The following KDM3B variants were observed in gnomAD, a reference collection of about 807,000 sequenced individuals.
The protein encoded by KDM3B is lysine-specific demethylase 3B.
In KDM3B, 10 loss-of-function variants were observed where a neutral mutation model predicts 170.0. The observed-to-expected ratio is 0.06, with a 90% CI of 0.04 to 0.10. The LOEUF (loss-of-function observed/expected upper bound fraction) is 0.10. Among genes scored for constraint, KDM3B ranks in the 10% least tolerant of loss-of-function variants. The probability of loss-of-function intolerance (pLI) is 1.00; values close to 1 mark genes in which losing one functional copy is unlikely to be tolerated. For missense variants in KDM3B, 1,394 were observed against 2,195.2 expected (o/e 0.64, Z 7.29); for synonymous variants, 831 against 834.8 (o/e 1.00, Z 0.08).
chr5:138,405,098 C>T (rs1335086460), intron 11 of KDM3B, among the ~76,000 whole-genome samples: 8 of 147,698 alleles, frequency 5.4e-5, no homozygotes, highest in Non-Finnish European at 8.9e-5. Flanking sequence ...GGCTGGAGTG[C>T]GGTGGTGCGA....
At chr5:138,428,159 C>A in intron 20 of KDM3B, 73 bp downstream of exon 20, 1 of 1,422,144 alleles carries the variant, frequency 7.0e-7, no homozygotes, top group Non-Finnish European at 9.5e-7. Flanking sequence ...TGTTTTCATC[C>A]TTAGGGCCAG....
intron 11 of KDM3B, among the ~76,000 whole-genome samples, chr5:138,406,981 ATTTTT>A (rs745918786): frequency 8.4e-6 from 1 of 119,046 alleles, no homozygotes; most frequent in Admixed American, 9.3e-5. Context: ...TATGCCAATA[ATTTTT>A]TTTTTTTTTT....
chr5:138,413,982 AATAG>A (rs1380323136), intron 11 of KDM3B, among the ~76,000 whole-genome samples: 2 of 152,264 alleles, frequency 1.3e-5, no homozygotes, highest in African/African-American at 4.8e-5. Context: ...CCAGCTGATG[AATAG>A]ATAAACAAGT....
intron 14 of KDM3B, 47 bp from the exon 15 acceptor site, chr5:138,420,659 A>T (rs368391955): frequency 8.1e-6 from 13 of 1,604,052 alleles, no homozygotes; most frequent in Non-Finnish European, 1.1e-5. Context: ...TTGTGTGCTG[A>T]TTATTCCTTT....
Position 138,428,090 on chromosome 5 carries a change from T to C in KDM3B, c.4753+4T>C. 6.2e-7 allele frequency: 1 copy of C among 1,613,610 alleles called. No individual in the cohort carries two copies. Among genetic ancestry groups the C allele is most frequent in the Non-Finnish European group, 8.5e-7 (1 of 1,179,728 alleles). On this transcript the variant is annotated splice_donor_region_variant and intron_variant, in intron 20 of 23. Coordinates refer to ENST00000314358, the MANE Select transcript of KDM3B (RefSeq NM_016604.4). The stretch of plus-strand genomic sequence containing the variant: ...GGGGAGGGTGCTCATGATGAAGGTA[T>C]GCTTTCTAGAATCCACTGCTTTAGG...
chr5:138,381,741 T>C (rs1762131288), intron 6 of KDM3B, 151 bp downstream of exon 6: 1 of 558,940 alleles, frequency 1.8e-6, no homozygotes, highest in South Asian at 2.7e-5. Flanking sequence ...ACAGTCTGTC[T>C]AATTAAGGGG....
intron 11 of KDM3B, 71 bp from the exon 12 acceptor site, chr5:138,415,061 G>A: frequency 4.6e-6 from 5 of 1,081,838 alleles, no homozygotes; most frequent in Non-Finnish European, 6.8e-6. Context: ...TTGGGGTTCT[G>A]AAACTCCATT....
chr5:138,385,482 T>G (rs1003450920), intron 6 of KDM3B, among the ~76,000 whole-genome samples: 1 of 152,170 alleles, frequency 6.6e-6, no homozygotes, highest in African/African-American at 2.4e-5. Flanking sequence ...CTGCCCGCCT[T>G]GGCCTCCCAA....
At chr5:138,407,048 C>T (rs904804281) in intron 11 of KDM3B, among the ~76,000 whole-genome samples, 4 of 147,434 alleles carry the variant, frequency 2.7e-5, no homozygotes, top group South Asian at 4.3e-4. Context: ...TGCAGTGGCA[C>T]GATCTCAGCC....
At chr5:138,407,671 C>T (rs926004200) in intron 11 of KDM3B, among the ~76,000 whole-genome samples, 4 of 152,166 alleles carry the variant, frequency 2.6e-5, no homozygotes, top group African/African-American at 9.7e-5. Context: ...TACAACCCAT[C>T]GGAATGGCTA....
intron 1 of KDM3B, among the ~76,000 whole-genome samples, chr5:138,359,630 G>A (rs1209999306): frequency 6.6e-6 from 1 of 152,070 alleles, no homozygotes; most frequent in Non-Finnish European, 1.5e-5. Context: ...TAATTGGCAA[G>A]TGAGATGAGG....
intron 1 of KDM3B, among the ~76,000 whole-genome samples, chr5:138,369,410 T>G (rs917730475): frequency 6.6e-6 from 1 of 152,182 alleles, no homozygotes; most frequent in Non-Finnish European, 1.5e-5. Flanking sequence ...AGTCACTTCC[T>G]TCCTCATGTT....
chr5:138,377,576 C>CA, intron 3 of KDM3B, 144 bp from the exon 4 acceptor site: 2 of 556,534 alleles, frequency 3.6e-6, no homozygotes, highest in Non-Finnish European at 6.3e-6. Flanking sequence ...GCATGATCAC[C>CA]ACGCCTAGCC....
At chr5:138,362,103 T>C (rs1043395154) in intron 1 of KDM3B, among the ~76,000 whole-genome samples, 3 of 152,096 alleles carry the variant, frequency 2.0e-5, no homozygotes, top group Non-Finnish European at 2.9e-5. Context: ...GCGGATCACT[T>C]GAGGCCAGGA....
At chr5:138,412,063 C>T (rs1580935920) in intron 11 of KDM3B, among the ~76,000 whole-genome samples, 1 of 150,250 alleles carries the variant, frequency 6.7e-6, no homozygotes, top group African/African-American at 2.4e-5. Context: ...AAGCTGGGCA[C>T]GGTGGCTCAT....
intron 1 of KDM3B, among the ~76,000 whole-genome samples, chr5:138,365,699 TATAA>T (rs1761727308): frequency 1.3e-5 from 2 of 151,886 alleles, no homozygotes; most frequent in South Asian, 4.2e-4. Context: ...AAAAAAAAAT[TATAA>T]ATACATTATT....
At chr5:138,431,935 GTTT>G (rs1313648495) in intron 23 of KDM3B, among the ~76,000 whole-genome samples, 2 of 151,720 alleles carry the variant, frequency 1.3e-5, no homozygotes. Context: ...ACAAAAAACA[GTTT>G]TTCTTCTTTT....
At chr5:138,395,426 C>G (rs1002169371) in intron 9 of KDM3B, among the ~76,000 whole-genome samples, 14 of 152,084 alleles carry the variant, frequency 9.2e-5, no homozygotes, top group African/African-American at 3.1e-4. Context: ...CAGAAGACAA[C>G]TAAAGAAAGT....
chr5:138,415,121 T>G lies in KDM3B; in HGVS notation c.3200-11T>G. 5 of 1,558,764 alleles carry G rather than the reference T, an allele frequency of 3.2e-6. No homozygotes were observed. Among genetic ancestry groups the G allele is most frequent in the Non-Finnish European group, 4.4e-6 (5 of 1,137,522 alleles). On this transcript the variant is annotated splice_polypyrimidine_tract_variant and intron_variant, in intron 11 of 23. Coordinates refer to ENST00000314358, the MANE Select transcript of KDM3B (RefSeq NM_016604.4). ...ACCCTTATAAAATAAGTGAAATCAT[T>G]TCTATTTCAGAGACAGAAGAGATGG...
Sources: allele counts gnomAD v4.1 joint callset (sites outside exome capture counted in the v4.1 genomes callset), GRCh38; gene constraint gnomAD v4.1.1; transcripts MANE v1.5; gene names NCBI Gene and HGNC (gene_info 2026-07-23, HGNC 2026-07-21).